STAT4: variants seen among roughly 807,000 people sequenced by gnomAD.
STAT4 encodes the protein signal transducer and activator of transcription 4.
A neutral mutation model predicts 110.5 loss-of-function variants in STAT4; 42 were observed. The observed-to-expected ratio is 0.38, with a 90% CI of 0.30 to 0.49. The LOEUF (loss-of-function observed/expected upper bound fraction) is 0.49. STAT4 is among the 20% of genes least tolerant of loss of function. The probability of loss-of-function intolerance (pLI) is 0.95; values close to 1 mark genes in which losing one functional copy is unlikely to be tolerated. For missense variants in STAT4, 632 were observed against 887.9 expected, an observed-to-expected ratio of 0.71 and a Z score of 3.66; for synonymous variants, 284 against 302.2, an observed-to-expected ratio of 0.94 and a Z score of 0.63.
At chr2:191,148,412 C>T (rs1371593813) in intron 1 of STAT4, among the ~76,000 whole-genome samples, 3 of 152,070 alleles carry the variant, frequency 2.0e-5, no homozygotes, top group African/African-American at 7.2e-5. Flanking sequence ...GCCTTCCTTG[C>T]TCTAAAATGA....
At chr2:191,069,244 G>C (rs1314057781) in intron 6 of STAT4, among the ~76,000 whole-genome samples, 1 of 151,792 alleles carries the variant, frequency 6.6e-6, no homozygotes, top group Non-Finnish European at 1.5e-5. Context: ...TATATTTTAG[G>C]CTTTCTCCTA....
At chr2:191,076,359 C>T (rs780905182) in intron 3 of STAT4, 34 bp from the exon 4 acceptor site, 76 of 1,484,354 alleles carry the variant, frequency 5.1e-5, no homozygotes, top group Non-Finnish European at 6.2e-5. Context: ...AAATAACTAA[C>T]GTAAAGCTTA....
chr2:191,072,602 A>G (rs946393714), intron 5 of STAT4, among the ~76,000 whole-genome samples: 9 of 152,216 alleles, frequency 5.9e-5, no homozygotes, highest in Non-Finnish European at 7.3e-5. Context: ...AAGGGAAATT[A>G]ACATCCTATT....
Position 191,090,008 on chromosome 2 carries a change from A to T in STAT4, c.274-13683T>A, listed in dbSNP as rs1469165163. On this transcript the variant is annotated intron_variant, in intron 3 of 23. Coordinates refer to ENST00000392320, the MANE Select transcript of STAT4 (RefSeq NM_003151.4). This position sits in a 1 kb window ranked among gnomAD's most constrained non-coding sequence, Gnocchi z 4.2. ...GGATACATGATATTACACATTTGATAAAACACATAGAACATATAGTGAGCC... is the reference window on the plus strand; with the variant it reads ...GGATACATGATATTACACATTTGATTAAACACATAGAACATATAGTGAGCC... Among the ~76,000 whole-genome samples, 1 of 152,192 alleles carries T rather than the reference A, an allele frequency of 6.6e-6. No homozygotes were observed. The highest frequency in any genetic ancestry group is 1.5e-5 in the Non-Finnish European group (1 of 68,020).
intron 13 of STAT4, 53 bp from the exon 14 acceptor site, chr2:191,054,587 A>G: frequency 6.5e-7 from 1 of 1,543,586 alleles, no homozygotes; most frequent in Non-Finnish European, 8.9e-7. Flanking sequence ...TCAGCTACAT[A>G]TTAAGTTGGT....
At position 191,086,919 on chromosome 2, in the gene STAT4, C is replaced by T. The variant is rs1179199320; in HGVS notation, c.274-10594G>A. The stretch of plus-strand genomic sequence containing the variant: ...CTTCTCAGAAAGTTCACTTGAACAT[C>T]TGGTTTGAACTACAATCCAGAAGAA... On this transcript the variant is annotated intron_variant, in intron 3 of 23. Coordinates refer to ENST00000392320, the MANE Select transcript of STAT4 (RefSeq NM_003151.4). This position sits in a 1 kb window ranked among gnomAD's most constrained non-coding sequence, Gnocchi z 5.5. Among the ~76,000 whole-genome samples the T allele has an allele frequency of 6.6e-6, 1 of 152,130 alleles. No homozygotes were observed. Among genetic ancestry groups the T allele is most frequent in the Non-Finnish European group, 1.5e-5 (1 of 68,018 alleles).
chr2:191,057,745 C>A (rs530976572), intron 13 of STAT4, among the ~76,000 whole-genome samples: 2 of 151,352 alleles, frequency 1.3e-5, no homozygotes, highest in East Asian at 3.9e-4. Context: ...ATTACAGGCG[C>A]CTGCCACCAT....
At chr2:191,056,779 A>ATTTT (rs34775786) in intron 13 of STAT4, among the ~76,000 whole-genome samples, 7 of 94,516 alleles carry the variant, frequency 7.4e-5, no homozygotes, top group African/African-American at 1.8e-4. Context: ...CTTCTACACT[A>ATTTT]TTTTTTTTTT....
chr2:191,147,363 G>T lies in STAT4; in HGVS notation c.129-606C>A, dbSNP rs1699487918. On this transcript the variant is annotated intron_variant, in intron 2 of 23. Transcript: ENST00000392320. This position sits in a 1 kb window ranked among gnomAD's most constrained non-coding sequence, Gnocchi z 4.1. ...TTCTGATATGATACCTGTTAAACAT[G>T]AATGAATTTTGAAAACATTACACTA... 6.6e-6 allele frequency among the ~76,000 whole-genome samples: 1 copy of T among 152,112 alleles called. No homozygotes were observed. The highest frequency in any genetic ancestry group is 1.5e-5 in the Non-Finnish European group (1 of 67,994).
rs918107620 is a variant in STAT4 at position 191,150,152 on chromosome 2, A to G, written c.-2+795T>C. Among the ~76,000 whole-genome samples, 9 of 152,232 alleles carry G rather than the reference A, an allele frequency of 5.9e-5. No homozygotes were observed. Among genetic ancestry groups the G allele is most frequent in the Non-Finnish European group, 1.2e-4 (8 of 68,042 alleles). On this transcript the variant is annotated intron_variant, in intron 1 of 23. Transcript: ENST00000392320. This position sits in a 1 kb window ranked among gnomAD's most constrained non-coding sequence, Gnocchi z 6.4. ...AAATGAAAATAAAAGGAAAATTAAA[A>G]AAAATAAAAATAAACACCGAAAAAA... is the stretch of plus-strand genomic sequence containing the variant.
chr2:191,050,269 T>A lies in STAT4; in HGVS notation c.1251+4221A>T, dbSNP rs1042256888. Among the ~76,000 whole-genome samples the A allele has an allele frequency of 2.0e-5, 3 of 152,196 alleles. No individual in the cohort carries two copies. The highest frequency in any genetic ancestry group is 7.2e-5 in the African/African-American group (3 of 41,448). ...CTAGATAAGTACCTCCAGGGAAAGG[T>A]TGCTTCCTGGGAATGTTTATTTTAC... On this transcript the variant is annotated intron_variant, in intron 14 of 23. Transcript: ENST00000392320. This position sits in a 1 kb window ranked among gnomAD's most constrained non-coding sequence, Gnocchi z 4.3.
rs567873422 is a variant in STAT4, at chr2:191,046,556, G to C, written c.1252-5408C>G. Among the ~76,000 whole-genome samples the C allele has an allele frequency of 1.3e-5, 2 of 152,256 alleles. No individual in the cohort carries two copies. The highest frequency in any genetic ancestry group is 3.4e-3 in the Middle Eastern group (1 of 294). ...AGGTCTTCTGGGCTAAGAATTCTGG[G>C]GTCCTGGATTCTGGGTGAGCACATT... On this transcript the variant is annotated intron_variant, in intron 14 of 23. Transcript: ENST00000392320. The surrounding 1 kb of genome is among the most constrained non-coding windows in gnomAD (Gnocchi z 4.6).
At chr2:191,087,711 C>T (rs910721339) in intron 3 of STAT4, among the ~76,000 whole-genome samples, 10 of 152,006 alleles carry the variant, frequency 6.6e-5, no homozygotes, top group Non-Finnish European at 1.3e-4. Context: ...CCTAATCTTT[C>T]CTCACCAGAA....
intron 3 of STAT4, among the ~76,000 whole-genome samples, chr2:191,128,392 A>C (rs1326960216): frequency 1.3e-5 from 2 of 152,208 alleles, no homozygotes; most frequent in Admixed American, 6.5e-5. Flanking sequence ...CTGAGAAAGC[A>C]ACATGAGTTA....
chr2:191,146,767 A>AG lies in STAT4; in HGVS notation c.129-11_129-10insC. On this transcript the variant is annotated splice_polypyrimidine_tract_variant and intron_variant, in intron 2 of 23. Coordinates refer to ENST00000392320, the MANE Select transcript of STAT4 (RefSeq NM_003151.4). The surrounding 1 kb of genome is among the most constrained non-coding windows in gnomAD (Gnocchi z 4.5). ...GTTAGAAGCTGCCTCCCTAAAAAAA[A>AG]AAAGGATTATTACACAACAGAAAAC... 2 of 1,538,336 alleles carry AG rather than the reference A, an allele frequency of 1.3e-6. No individual in the cohort carries two copies. The highest frequency in any genetic ancestry group is 4.6e-5 in the East Asian group (2 of 43,352).
rs1163616325 is a variant in STAT4, at chr2:191,060,407, T to C, written c.1034+1322A>G. ...TTTTGAGAAGAATGCTTATTTTTTA[T>C]TTTACTTTATTATTCTGTTTTATTT... On this transcript the variant is annotated intron_variant, in intron 10 of 23. Transcript: ENST00000392320. This position sits in a 1 kb window ranked among gnomAD's most constrained non-coding sequence, Gnocchi z 4.5. 6.6e-6 allele frequency among the ~76,000 whole-genome samples: 1 copy of C among 152,192 alleles called. No individual in the cohort carries two copies. The highest frequency in any genetic ancestry group is 1.5e-5 in the Non-Finnish European group (1 of 68,040).
intron 3 of STAT4, among the ~76,000 whole-genome samples, chr2:191,130,987 G>T (rs1163718972): frequency 1.3e-5 from 2 of 151,464 alleles, no homozygotes; most frequent in African/African-American, 4.9e-5. Flanking sequence ...AGTAAAGTTA[G>T]AAAAAATTAG....
chr2:191,108,598 A>C (rs2125354963), intron 3 of STAT4, among the ~76,000 whole-genome samples: 1 of 152,366 alleles, frequency 6.6e-6, no homozygotes, highest in Admixed American at 6.5e-5. Flanking sequence ...TCAGCACTTC[A>C]TGCATGCAAG....
rs898375014 is a variant in STAT4 at position 191,143,173 on chromosome 2, T to C, written c.273+3440A>G. Among the ~76,000 whole-genome samples, 12 of 152,220 alleles carry C rather than the reference T, an allele frequency of 7.9e-5. No individual in the cohort carries two copies. The highest frequency in any genetic ancestry group is 1.6e-4 in the Non-Finnish European group (11 of 68,032). On this transcript the variant is annotated intron_variant, in intron 3 of 23. Transcript: ENST00000392320. This position sits in a 1 kb window ranked among gnomAD's most constrained non-coding sequence, Gnocchi z 5.6. ...ACTGCACTAATTTTTTTAAGGTCCA[T>C]TAATTTTCTTAAAGCAAAGCATTCT...
Sources: allele counts gnomAD v4.1 joint callset (sites outside exome capture counted in the v4.1 genomes callset), GRCh38; gene constraint gnomAD v4.1.1; non-coding constraint Gnocchi (gnomAD v3.1); transcripts MANE v1.5; gene names NCBI Gene and HGNC (gene_info 2026-07-23, HGNC 2026-07-21).